Variants in LRP5 observed in about 807,000 individuals in gnomAD.
LRP5 encodes LDL receptor related protein 5.
In LRP5, 62 loss-of-function variants were observed where a neutral mutation model predicts 154.1. That is an observed-to-expected ratio of 0.40 (90% CI 0.33 to 0.50). The LOEUF (loss-of-function observed/expected upper bound fraction) is 0.50. Ranked by LOEUF, LRP5 falls within the 20% of genes least tolerant of loss-of-function variation. LRP5 has a pLI of 0.55. For synonymous variants in LRP5, 966 were observed against 1,011.5 expected (o/e 0.96, Z 0.85); for missense variants, 1,915 against 2,336.7 (o/e 0.82, Z 3.72).
upstream of LRP5, among the ~76,000 whole-genome samples, chr11:68,309,530 G>A (rs2098586440): frequency 6.6e-6 from 1 of 150,726 alleles, no homozygotes. Flanking sequence ...ACCGCATCCA[G>A]CCCATAGTCC....
upstream of LRP5, among the ~76,000 whole-genome samples, chr11:68,310,754 CAA>C (rs756320384): frequency 4.8e-4 from 31 of 63,936 alleles, no homozygotes; most frequent in Admixed American, 5.2e-4. Context: ...GACCCTGTCT[CAA>C]AAAAAAAAAA....
chr11:68,314,498 T>C (rs1284811559), intron 1 of LRP5, among the ~76,000 whole-genome samples: 1 of 152,248 alleles, frequency 6.6e-6, no homozygotes, highest in Non-Finnish European at 1.5e-5. Context: ...GGTTTTACTG[T>C]GTGAAATACA....
intron 1 of LRP5, among the ~76,000 whole-genome samples, chr11:68,334,590 G>A (rs952957968): frequency 6.6e-6 from 1 of 152,180 alleles, no homozygotes; most frequent in Admixed American, 6.5e-5. Flanking sequence ...AAAAGTGTAT[G>A]TAGGCTAGGC....
intron 1 of LRP5, among the ~76,000 whole-genome samples, chr11:68,339,940 G>A (rs1355032611): frequency 6.6e-6 from 1 of 152,154 alleles, no homozygotes; most frequent in African/African-American, 2.4e-5. Context: ...AGCCAGAGGT[G>A]TCTTTAAAAG....
At chr11:68,357,992 G>A in intron 3 of LRP5, 145 bp downstream of exon 3, 2 of 784,934 alleles carry the variant, frequency 2.5e-6, no homozygotes, top group Non-Finnish European at 4.3e-6. Flanking sequence ...ACTTGGAACA[G>A]CGTCAGGGTC....
At chr11:68,347,062 A>T (rs2098613622) in intron 1 of LRP5, among the ~76,000 whole-genome samples, 1 of 152,168 alleles carries the variant, frequency 6.6e-6, no homozygotes, top group African/African-American at 2.4e-5. Flanking sequence ...CCGCAGGCAG[A>T]TCAGGAATGC....
chr11:68,304,045 G>A, the LRP5 span, among the ~76,000 whole-genome samples: 1 of 152,224 alleles, frequency 6.6e-6, no homozygotes, highest in African/African-American at 2.4e-5. Context: ...GGAGCCGACT[G>A]CCAATAACTG....
chr11:68,355,673 C>A (rs761597178), intron 2 of LRP5, among the ~76,000 whole-genome samples: 8 of 152,118 alleles, frequency 5.3e-5, no homozygotes, highest in Non-Finnish European at 1.0e-4. Flanking sequence ...CTCACTTTGT[C>A]TTGGTTCATT....
intron 3 of LRP5, 106 bp from the exon 4 acceptor site, chr11:68,363,641 A>G: frequency 2.2e-6 from 2 of 923,566 alleles, no homozygotes; most frequent in South Asian, 2.8e-5. Flanking sequence ...TGGGCGACAG[A>G]CCGAGACTCC....
intron 9 of LRP5, among the ~76,000 whole-genome samples, chr11:68,408,137 G>A (rs548578189): frequency 1.3e-5 from 2 of 151,560 alleles, no homozygotes; most frequent in South Asian, 4.2e-4. Context: ...GTGCAGTGGT[G>A]TAATCTCAGC....
At chr11:68,308,403 G>A (rs1006019900), upstream of LRP5, among the ~76,000 whole-genome samples, 2 of 152,204 alleles carry the variant, frequency 1.3e-5, no homozygotes, top group African/African-American at 4.8e-5. Context: ...GATTGGACAG[G>A]TGCTGAGCCC....
chr11:68,367,693 G>A (rs1185108334), intron 5 of LRP5, among the ~76,000 whole-genome samples: 2 of 152,140 alleles, frequency 1.3e-5, no homozygotes, highest in African/African-American at 4.8e-5. Flanking sequence ...GGCTCATGAC[G>A]GCAGGGAGTG....
At chr11:68,300,172 A>G in the LRP5 span, among the ~76,000 whole-genome samples, 117,307 of 148,460 alleles carry the variant, frequency 0.79, 48,475 homozygotes, top group African/African-American at 0.86. Context: ...AAGTACAGGC[A>G]TGAGCCACCG....
Position 68,446,530 on chromosome 11 carries a change from A to C in LRP5, c.4583A>C (p.Tyr1528Ser), listed in dbSNP as rs1182722973. Residue 1528 changes from tyrosine to serine, a missense_variant, in exon 22 of 23, where the codon TAC (tyrosine) becomes TCC (serine). Tyr to Ser is a moderately radical substitution (Grantham distance 144). Transcript: ENST00000294304. ...SSNIPATARPYRPYIIRGMAP... is the reference protein window; with the variant it reads ...SSNIPATARPSRPYIIRGMAP... ...AACATTCCGGCCACTGCGAGACCGTACAGGTAGGACATCCCCTGCAGCCCT... is the reference window on the plus strand; with the variant it reads ...AACATTCCGGCCACTGCGAGACCGTCCAGGTAGGACATCCCCTGCAGCCCT... 5 of 1,612,894 alleles carry C rather than the reference A, an allele frequency of 3.1e-6. No homozygotes were observed. The highest frequency in any genetic ancestry group is 1.3e-5 in the African/African-American group (1 of 74,902).
At position 68,407,788 on chromosome 11, in the gene LRP5, G is replaced by C. The variant is rs546087542; in HGVS notation, c.2091+975G>C. Among the ~76,000 whole-genome samples the C allele has an allele frequency of 9.9e-5, 15 of 152,138 alleles. No homozygotes were observed. The South Asian group carries it at 3.1e-3, about 32-fold the overall frequency. Reference sequence around the variant, plus strand: ...CTTGAACCTGGGAGGCGGAGGTTGTGGTGAGCTGAGATGGCACCATTGCAC... The same window carrying C: ...CTTGAACCTGGGAGGCGGAGGTTGTCGTGAGCTGAGATGGCACCATTGCAC... On this transcript the variant is annotated intron_variant, in intron 9 of 22. Transcript: ENST00000294304.
In LRP5 at chr11:68,422,728, C is replaced by A. The variant is rs372461706; in HGVS notation, c.3028-761C>A. Among the ~76,000 whole-genome samples the A allele has an allele frequency of 6.6e-5, 10 of 152,080 alleles. No individual in the cohort carries two copies. The East Asian group carries it at 1.7e-3, about 26-fold the overall frequency. On this transcript the variant is annotated intron_variant, in intron 13 of 22. Coordinates refer to ENST00000294304, the MANE Select transcript of LRP5 (RefSeq NM_002335.4). ...AAGAGGGGCTCTGAGTCATTCCCCA[C>A]ACTCACCTGCCCCTACCCACCCTCA...
At chr11:68,416,294 C>CACCCACCTGCAGCCCTG in intron 12 of LRP5, 34 bp from the exon 13 acceptor site, 1 of 1,595,794 alleles carries the variant, frequency 6.3e-7, no homozygotes. Flanking sequence ...GGCTTACAGA[C>CACCCACCTGCAGCCCTG]ACCCACCTGC....
chr11:68,359,705 G>T (rs1294203874), intron 3 of LRP5, among the ~76,000 whole-genome samples: 2 of 151,632 alleles, frequency 1.3e-5, no homozygotes, highest in Non-Finnish European at 2.9e-5. Flanking sequence ...TTTGAGGCAG[G>T]GTCTCACTTT....
At chr11:68,363,596 G>A (rs2098629212) in intron 3 of LRP5, 151 bp from the exon 4 acceptor site, 1 of 679,890 alleles carries the variant, frequency 1.5e-6, no homozygotes, top group East Asian at 2.8e-5. Context: ...GGCGGAGGTT[G>A]CAGTGAGCTG....
Sources: gnomAD v4.1 joint callset for allele counts (sites outside exome capture counted in the v4.1 genomes callset) on GRCh38, gnomAD v4.1.1 for gene constraint, MANE v1.5 for transcripts, NCBI Gene and HGNC (gene_info 2026-07-23, HGNC 2026-07-21) for gene names.